The following SNTG1 variants were observed in gnomAD, a reference collection of about 807,000 sequenced individuals.
The protein encoded by SNTG1 is gamma-1-syntrophin.
SNTG1 carries 39 observed loss-of-function variants against 74.7 expected under a neutral mutation model. The ratio of observed to expected loss-of-function variants is 0.52; its 90% CI spans 0.40 to 0.68. SNTG1 has a LOEUF of 0.68. Ranked by LOEUF, SNTG1 falls within the 30% of genes least tolerant of loss-of-function variation. SNTG1 has a pLI of 0.00. For missense variants in SNTG1, 685 were observed against 609.5 expected, an observed-to-expected ratio of 1.12 and a Z score of -1.30; for synonymous variants, 254 against 217.1, an observed-to-expected ratio of 1.17 and a Z score of -1.49.
Position 50,329,409 on chromosome 8 carries a change from G to A in SNTG1, c.-27-64803G>A, listed in dbSNP as rs527855450. ...AGCAGACTTCTGCCTGGACATCCGC[G>A]CATTCCCAAACATCCTCTGAAATCT... On this transcript the variant is annotated intron_variant, in intron 2 of 18. Transcript: ENST00000642720. Among the ~76,000 whole-genome samples the A allele has an allele frequency of 9.2e-5, 14 of 152,208 alleles. No homozygotes were observed. In the South Asian group the frequency reaches 1.0e-3, roughly 11 times the overall value.
chr8:50,750,014 C>A (rs1021895830), intron 17 of SNTG1, among the ~76,000 whole-genome samples: 2 of 151,978 alleles, frequency 1.3e-5, no homozygotes, highest in Non-Finnish European at 2.9e-5. Context: ...TCTGATGGAT[C>A]TTGGCAGTCA....
At chr8:50,489,886 G>T (rs188361889) in intron 8 of SNTG1, among the ~76,000 whole-genome samples, 8,200 of 152,120 alleles carry the variant, frequency 0.054, 333 homozygotes, top group South Asian at 0.18. Flanking sequence ...TTTCTTCTAG[G>T]ATTTTCATGG....
intron 10 of SNTG1, among the ~76,000 whole-genome samples, chr8:50,532,891 C>T (rs2094280380): frequency 6.6e-6 from 1 of 152,118 alleles, no homozygotes; most frequent in Admixed American, 6.6e-5. Flanking sequence ...CACAAACTGC[C>T]TTTTCAATGT....
intron 2 of SNTG1, among the ~76,000 whole-genome samples, chr8:50,278,073 T>A (rs1404529389): frequency 6.6e-6 from 1 of 152,036 alleles, no homozygotes; most frequent in Non-Finnish European, 1.5e-5. Flanking sequence ...CTAAGGAGGC[T>A]GAGGTGGGAG....
At chr8:50,337,755 C>A (rs1563915763) in intron 2 of SNTG1, among the ~76,000 whole-genome samples, 1 of 152,228 alleles carries the variant, frequency 6.6e-6, no homozygotes, top group Non-Finnish European at 1.5e-5. Flanking sequence ...TTCCTCCTTT[C>A]TCACATTTTA....
chr8:50,624,680 C>T (rs1169483238), intron 13 of SNTG1, among the ~76,000 whole-genome samples: 1 of 152,122 alleles, frequency 6.6e-6, no homozygotes, highest in Non-Finnish European at 1.5e-5. Context: ...GTGAACTAAC[C>T]TCCATTCCTT....
intron 1 of SNTG1, among the ~76,000 whole-genome samples, chr8:50,098,670 A>G (rs953549597): frequency 1.3e-5 from 2 of 152,142 alleles, no homozygotes; most frequent in Admixed American, 6.5e-5. Context: ...TAGAATTTAG[A>G]CAAGCTCATT....
In SNTG1 at chr8:50,527,403, T is replaced by C. The variant is rs2094230110; in HGVS notation, c.467-2774T>C. On this transcript the variant is annotated intron_variant, in intron 9 of 18. Transcript: ENST00000642720. Reference sequence around the variant, plus strand: ...CCTACCCCAAGGTTGCAAAGATATTTTTTCTTATTTTCCTCTAGAGGCCTG... The same window carrying C: ...CCTACCCCAAGGTTGCAAAGATATTCTTTCTTATTTTCCTCTAGAGGCCTG... Among the ~76,000 whole-genome samples the C allele has an allele frequency of 2.6e-5, 4 of 152,216 alleles. No homozygotes were observed. The South Asian group carries it at 8.3e-4, about 32-fold the overall frequency.
At chr8:50,709,489 G>T (rs964118653) in intron 17 of SNTG1, among the ~76,000 whole-genome samples, 1 of 152,026 alleles carries the variant, frequency 6.6e-6, no homozygotes, top group South Asian at 2.1e-4. Context: ...ACTTAATAAG[G>T]ATTATGCACT....
At position 50,687,669 on chromosome 8, in the gene SNTG1, C is replaced by T. The variant is rs550815850; in HGVS notation, c.1039-16931C>T. On this transcript the variant is annotated intron_variant, in intron 15 of 18. Coordinates refer to ENST00000642720, the MANE Select transcript of SNTG1 (RefSeq NM_018967.5). ...ATGTGCCATGTTGGTGTGCTGCACC[C>T]GTTAACTCGTCATTAAGCATTAGGT... Among the ~76,000 whole-genome samples the T allele has an allele frequency of 2.2e-4, 34 of 152,292 alleles. 1 individual carries two copies. Among genetic ancestry groups the T allele is most frequent in the African/African-American group, 7.0e-4 (29 of 41,570 alleles).
At chr8:49,988,144 A>G (rs1244008055) in intron 1 of SNTG1, among the ~76,000 whole-genome samples, 1 of 152,152 alleles carries the variant, frequency 6.6e-6, no homozygotes, top group Non-Finnish European at 1.5e-5. Flanking sequence ...AATCTAACCA[A>G]GTAGCTAGAG....
At chr8:50,436,445 TTG>T (rs143686511) in intron 4 of SNTG1, among the ~76,000 whole-genome samples, 1 of 151,898 alleles carries the variant, frequency 6.6e-6, no homozygotes. Flanking sequence ...GGATATCAGA[TTG>T]TGTGTGTGTG....
intron 9 of SNTG1, among the ~76,000 whole-genome samples, chr8:50,517,139 T>TTCAACA (rs1444652638): frequency 2.0e-5 from 3 of 152,158 alleles, no homozygotes; most frequent in Admixed American, 6.5e-5. Flanking sequence ...GGGGCTAATA[T>TTCAACA]TCAACATTCT....
chr8:50,734,945 G>GTCCATA (rs2095524089), intron 17 of SNTG1, among the ~76,000 whole-genome samples: 1 of 109,916 alleles, frequency 9.1e-6, no homozygotes, highest in African/African-American at 4.0e-5. Flanking sequence ...AGATATATAT[G>GTCCATA]GACATATATA....
chr8:50,372,849 T>C (rs1312893704), intron 2 of SNTG1, among the ~76,000 whole-genome samples: 1 of 152,118 alleles, frequency 6.6e-6, no homozygotes. Context: ...TTTTAGGAAG[T>C]AGACTGGATT....
rs534704685 is a variant in SNTG1 at position 50,164,802 on chromosome 8, C to T, written c.-102-7759C>T. 2.6e-5 allele frequency among the ~76,000 whole-genome samples: 4 copies of T among 152,256 alleles called. No individual in the cohort carries two copies. The South Asian group carries it at 8.3e-4, about 32-fold the overall frequency. On this transcript the variant is annotated intron_variant, in intron 1 of 18. Coordinates refer to ENST00000642720, the MANE Select transcript of SNTG1 (RefSeq NM_018967.5). ...AAAATATTATCTCCAACTATGAATT[C>T]TACTGTTAAATACTTATTATGCTCC...
intron 2 of SNTG1, among the ~76,000 whole-genome samples, chr8:50,355,547 C>A (rs1437076786): frequency 2.0e-5 from 3 of 152,046 alleles, no homozygotes; most frequent in Non-Finnish European, 4.4e-5. Context: ...AATTGATGAA[C>A]CTTTTCAGGT....
intron 18 of SNTG1, among the ~76,000 whole-genome samples, chr8:50,787,241 C>T (rs944155663): frequency 6.6e-6 from 1 of 151,708 alleles, no homozygotes; most frequent in Non-Finnish European, 1.5e-5. Context: ...AAATGATGCT[C>T]AAATCATTAG....
intron 12 of SNTG1, among the ~76,000 whole-genome samples, chr8:50,571,773 A>T (rs1400558551): frequency 6.6e-6 from 1 of 152,180 alleles, no homozygotes; most frequent in South Asian, 2.1e-4. Flanking sequence ...CTCACCTCCT[A>T]CCAGGCATAG....
Sources: allele counts gnomAD v4.1 joint callset (sites outside exome capture counted in the v4.1 genomes callset), GRCh38; gene constraint gnomAD v4.1.1; transcripts MANE v1.5; gene names NCBI Gene and HGNC (gene_info 2026-07-23, HGNC 2026-07-21).